GLP1R: variants seen among roughly 807,000 people sequenced by gnomAD.
GLP1R encodes glucagon-like peptide 1 receptor.
GLP1R carries 32 observed loss-of-function variants against 68.4 expected under a neutral mutation model. That is an observed-to-expected ratio of 0.47 (90% confidence interval 0.35 to 0.63). GLP1R has a LOEUF of 0.63. Ranked by LOEUF, GLP1R falls within the 20% of genes least tolerant of loss-of-function variation. The probability of loss-of-function intolerance (pLI) is 0.00; values close to 1 mark genes in which losing one functional copy is unlikely to be tolerated. For synonymous variants in GLP1R, 263 were observed against 244.4 expected, an observed-to-expected ratio of 1.08 and a Z score of -0.71; for missense variants, 502 against 594.9, an observed-to-expected ratio of 0.84 and a Z score of 1.62.
At chr6:39,066,340 T>C (rs1305789586) in intron 5 of GLP1R, 37 bp downstream of exon 5, 2 of 1,102,392 alleles carry the variant, frequency 1.8e-6, no homozygotes, top group South Asian at 2.5e-5. Context: ...GGCTGCTTCA[T>C]CCTAACTCCC....
chr6:39,056,359 C>G, intron 1 of GLP1R, 38 bp from the exon 2 acceptor site: 1 of 1,087,216 alleles, frequency 9.2e-7, no homozygotes, highest in South Asian at 1.3e-5. Flanking sequence ...GAGGGGCTGG[C>G]TGAACCCACA....
rs1476870382 is a variant in GLP1R at position 39,057,786 on chromosome 6, G to A, written c.283+207G>A. On this transcript the variant is annotated intron_variant, in intron 3 of 12. Transcript: ENST00000373256. ...CCCCCTCCCTAACCTGGTACCTGCC[G>A]TGGGTCAGCAGTGGTGAGCCCCCTC... Among the ~76,000 whole-genome samples, 7 of 124,802 alleles carry A rather than the reference G, an allele frequency of 5.6e-5. No individual in the cohort carries two copies. The East Asian group carries it at 7.2e-4, about 13-fold the overall frequency. The allele number at this position is 124,802 out of a possible 152,430, so 81.9% of individuals were successfully genotyped here.
chr6:39,072,747 C>T (rs540580303), intron 5 of GLP1R, 115 bp from the exon 6 acceptor site: 48 of 849,884 alleles, frequency 5.6e-5, no homozygotes, highest in Middle Eastern at 2.7e-4. Context: ...AGAAGACACA[C>T]GCACAGTCCC....
chr6:39,078,418 G>C, intron 8 of GLP1R, 36 bp downstream of exon 8: 1 of 1,441,492 alleles, frequency 6.9e-7, no homozygotes, highest in Non-Finnish European at 9.8e-7. Context: ...GGTGTGCCCA[G>C]GTCCCCATCC....
At chr6:39,084,549 G>A (rs1300268923) in intron 12 of GLP1R, among the ~76,000 whole-genome samples, 2 of 152,132 alleles carry the variant, frequency 1.3e-5, no homozygotes, top group Non-Finnish European at 2.9e-5. Context: ...ACAAGTGGGG[G>A]CCACCACTGG....
At chr6:39,075,046 C>A (rs1203720879) in intron 7 of GLP1R, among the ~76,000 whole-genome samples, 1 of 152,216 alleles carries the variant, frequency 6.6e-6, no homozygotes, top group Admixed American at 6.5e-5. Flanking sequence ...AGAGCAGGCC[C>A]TGGAACCCAG....
chr6:39,049,377 C>T lies in GLP1R; in HGVS notation c.78+459C>T, dbSNP rs1475261768. Among the ~76,000 whole-genome samples the T allele has an allele frequency of 6.6e-6, 1 of 152,162 alleles. No individual in the cohort carries two copies. Among genetic ancestry groups the T allele is most frequent in the African/African-American group, 2.4e-5 (1 of 41,442 alleles). ...CCAGACAATCCACCTGCTCAAAGAC[C>T]CTGAGAAGACCCTGGGAGGAGCTGA... On this transcript the variant is annotated intron_variant, in intron 1 of 12. Transcript: ENST00000373256. This position sits in a 1 kb window ranked among gnomAD's most constrained non-coding sequence, Gnocchi z 4.5.
At chr6:39,069,470 A>G (rs1768598935) in intron 5 of GLP1R, among the ~76,000 whole-genome samples, 1 of 152,086 alleles carries the variant, frequency 6.6e-6, no homozygotes, top group Non-Finnish European at 1.5e-5. Flanking sequence ...CGTCTCTACT[A>G]AAAATACAAA....
chr6:39,061,908 C>A (rs1768366704), intron 3 of GLP1R, among the ~76,000 whole-genome samples: 1 of 152,200 alleles, frequency 6.6e-6, no homozygotes, highest in South Asian at 2.1e-4. Flanking sequence ...TGGCCTTGAG[C>A]TGATGCCTTC....
chr6:39,052,710 G>T (rs982365399), intron 1 of GLP1R, among the ~76,000 whole-genome samples: 2 of 152,172 alleles, frequency 1.3e-5, no homozygotes, highest in African/African-American at 2.4e-5. Context: ...TGCTTGTACA[G>T]GGCTTGAGAA....
chr6:39,067,851 G>A (rs1055267930), intron 5 of GLP1R, among the ~76,000 whole-genome samples: 3 of 152,182 alleles, frequency 2.0e-5, no homozygotes, highest in African/African-American at 7.2e-5. Context: ...TTTCTCTCTA[G>A]CTGTGAACTT....
At chr6:39,062,690 C>T (rs940889597) in intron 3 of GLP1R, among the ~76,000 whole-genome samples, 1 of 152,224 alleles carries the variant, frequency 6.6e-6, no homozygotes, top group African/African-American at 2.4e-5. Context: ...ATGCCACATT[C>T]TTTCCTATTA....
At position 39,073,036 on chromosome 6, in the gene GLP1R, C is replaced by T. The variant is rs763086243; in HGVS notation, c.663+21C>T. The T allele has an allele frequency of 7.0e-5, 112 of 1,610,116 alleles. 1 individual carries two copies. The highest frequency in any genetic ancestry group is 8.7e-5 in the Non-Finnish European group (103 of 1,177,722). On this transcript the variant is annotated intron_variant, in intron 6 of 12. Coordinates refer to ENST00000373256, the MANE Select transcript of GLP1R (RefSeq NM_002062.5). ...ACCAGGTGTGTGGTGCATCCAGGAC[C>T]GCCTCAGGAGGGATGGGCGGTTGGA...
At position 39,079,014 on chromosome 6, in the gene GLP1R, CT is replaced by C. The variant is rs758658856; in HGVS notation, c.945del (p.Phe315LeufsTer5). On this transcript the variant is annotated frameshift_variant, in exon 9 of 13. Transcript: ENST00000373256. LOFTEE classifies it high-confidence loss of function. The surrounding 1 kb of genome is among the most constrained non-coding windows in gnomAD (Gnocchi z 4.5). ...YWLIIRLPIL[F>X]AIGVNFLIFV... is the part of the protein sequence containing the mutation. ...GGCTCATTATCCGGCTGCCCATTCT[CT>C]TTGCCATTGGGGTGAGTGATGGTGT... The C allele has an allele frequency of 4.3e-6, 7 of 1,613,958 alleles. No homozygotes were observed.
rs1022925871 is a variant in GLP1R at position 39,085,467 on chromosome 6, G to C, written c.1225-439G>C. 3.9e-5 allele frequency among the ~76,000 whole-genome samples: 6 copies of C among 152,322 alleles called. No individual in the cohort carries two copies. The South Asian group carries it at 8.3e-4, about 21-fold the overall frequency. On this transcript the variant is annotated intron_variant, in intron 12 of 12. Coordinates refer to ENST00000373256, the MANE Select transcript of GLP1R (RefSeq NM_002062.5). ...CTCAGGGAGTTTAGAAGGGTCTGCT[G>C]TAGACACCAGGAAGGCTGGGGGTTG...
chr6:39,056,393 C>T lies in GLP1R; in HGVS notation c.79-4C>T, dbSNP rs751829967. 1 of 1,555,194 alleles carries T rather than the reference C, an allele frequency of 6.4e-7. No homozygotes were observed. The highest frequency in any genetic ancestry group is 8.9e-7 in the Non-Finnish European group (1 of 1,127,010). On this transcript the variant is annotated splice_region_variant and splice_polypyrimidine_tract_variant and intron_variant, in intron 1 of 12. Coordinates refer to ENST00000373256, the MANE Select transcript of GLP1R (RefSeq NM_002062.5). ...CAGGCCTCCCATATATGCCCTCCCC[C>T]CAGGGTGCCACTGTGTCCCTCTGGG...
At chr6:39,051,106 G>A (rs559968536) in intron 1 of GLP1R, among the ~76,000 whole-genome samples, 7 of 152,234 alleles carry the variant, frequency 4.6e-5, no homozygotes, top group South Asian at 4.2e-4. Context: ...GTGAGGGAGC[G>A]GGCCTACTGA....
At position 39,089,966 on chromosome 6, in the gene GLP1R, C is replaced by T. The variant is rs750285137; in HGVS notation, c.*3893C>T. ...TACAGAGGCTTACTCTGCAAAGACA[C>T]CTGTGTGAATGACGTGCTAAACATT... On this transcript the variant is annotated 3_prime_UTR_variant, in exon 13 of 13. Coordinates refer to ENST00000373256, the MANE Select transcript of GLP1R (RefSeq NM_002062.5). The surrounding 1 kb of genome is among the most constrained non-coding windows in gnomAD (Gnocchi z 4.1). Among the ~76,000 whole-genome samples the T allele has an allele frequency of 1.3e-5, 2 of 152,204 alleles. No individual in the cohort carries two copies. The highest frequency in any genetic ancestry group is 2.4e-5 in the African/African-American group (1 of 41,452).
At chr6:39,080,629 C>A in intron 11 of GLP1R, 69 bp from the exon 12 acceptor site, 1 of 1,088,650 alleles carries the variant, frequency 9.2e-7, no homozygotes, top group Non-Finnish European at 1.4e-6. Flanking sequence ...CAAAGTGCTT[C>A]CGACCAGGGC....
Sources: gnomAD v4.1 joint callset for allele counts (sites outside exome capture counted in the v4.1 genomes callset) on GRCh38, gnomAD v4.1.1 for gene constraint, Gnocchi (gnomAD v3.1) non-coding constraint, MANE v1.5 for transcripts, NCBI Gene and HGNC (gene_info 2026-07-23, HGNC 2026-07-21) for gene names.